Variants in PSD2 observed in about 807,000 individuals in gnomAD.
The protein encoded by PSD2 is pleckstrin and Sec7 domain containing 2, also known as PH and SEC7 domain-containing protein 2.
In PSD2, 38 loss-of-function variants were observed where a neutral mutation model predicts 69.8. The ratio of observed to expected loss-of-function variants is 0.54; its 90% CI spans 0.42 to 0.71. PSD2 has a LOEUF of 0.71. Ranked by LOEUF, PSD2 falls within the 30% of genes least tolerant of loss-of-function variation. PSD2 has a pLI of 0.00. For missense variants in PSD2, 943 were observed against 1,014.5 expected (o/e 0.93, Z 0.96); for synonymous variants, 412 against 423.0 (o/e 0.97, Z 0.32).
chr5:139,786,409 T>C, the PSD2 span, among the ~76,000 whole-genome samples: 1 of 152,074 alleles, frequency 6.6e-6, no homozygotes, highest in Non-Finnish European at 1.5e-5. Context: ...AATAAATAAA[T>C]AGATAAATAA....
At chr5:139,764,013 G>T in the PSD2 span, among the ~76,000 whole-genome samples, 1 of 152,202 alleles carries the variant, frequency 6.6e-6, no homozygotes, top group South Asian at 2.1e-4. Flanking sequence ...CATGGCCTCT[G>T]GTGAATAGAT....
At chr5:139,797,970 G>C (rs1012811489) in intron 1 of PSD2, among the ~76,000 whole-genome samples, 3 of 152,220 alleles carry the variant, frequency 2.0e-5, no homozygotes, top group Non-Finnish European at 4.4e-5. Context: ...GTTTCCTAGG[G>C]AGGTGGGATC....
chr5:139,756,233 C>G, the PSD2 span, among the ~76,000 whole-genome samples: 1 of 152,222 alleles, frequency 6.6e-6, no homozygotes, highest in African/African-American at 2.4e-5. Flanking sequence ...GCTGCGCCCC[C>G]CCTTTCATGT....
chr5:139,810,361 G>A (rs1004220618), intron 2 of PSD2, among the ~76,000 whole-genome samples: 1 of 152,210 alleles, frequency 6.6e-6, no homozygotes, highest in African/African-American at 2.4e-5. Context: ...TTTTGGGGGT[G>A]TGTTGGACAA....
At chr5:139,756,529 G>C in the PSD2 span, among the ~76,000 whole-genome samples, 1 of 152,224 alleles carries the variant, frequency 6.6e-6, no homozygotes, top group East Asian at 1.9e-4. Context: ...CAGGCACCAG[G>C]GTCCCTTGGG....
the PSD2 span, among the ~76,000 whole-genome samples, chr5:139,785,824 C>A: frequency 1.3e-5 from 2 of 152,266 alleles, no homozygotes; most frequent in African/African-American, 4.8e-5. Context: ...TGCAGTGGCT[C>A]GCGCCTATAA....
At chr5:139,750,771 G>A in the PSD2 span, among the ~76,000 whole-genome samples, 1 of 152,206 alleles carries the variant, frequency 6.6e-6, no homozygotes, top group Non-Finnish European at 1.5e-5. Flanking sequence ...GGGCCTGGGT[G>A]TCTGGGGCAA....
At chr5:139,793,162 C>A (rs145048180), upstream of PSD2, among the ~76,000 whole-genome samples, 2 of 152,036 alleles carry the variant, frequency 1.3e-5, no homozygotes, top group Non-Finnish European at 2.9e-5. Context: ...AGGCTGGTCT[C>A]GAGCTCTTGA....
the PSD2 span, among the ~76,000 whole-genome samples, chr5:139,767,455 C>G: frequency 1.3e-5 from 2 of 152,176 alleles, no homozygotes; most frequent in Non-Finnish European, 2.9e-5. Context: ...GCTGGGATTA[C>G]AGGCATGCAC....
the PSD2 span, among the ~76,000 whole-genome samples, chr5:139,788,587 C>G: frequency 6.6e-6 from 1 of 152,216 alleles, no homozygotes; most frequent in Non-Finnish European, 1.5e-5. Context: ...GCTGGACCTC[C>G]GGAAGCGCGG....
chr5:139,816,322 C>T (rs1760121853), intron 4 of PSD2, among the ~76,000 whole-genome samples: 1 of 152,180 alleles, frequency 6.6e-6, no homozygotes, highest in African/African-American at 2.4e-5. Context: ...TTAATTTTCT[C>T]TGATTGTCTA....
intron 1 of PSD2, among the ~76,000 whole-genome samples, chr5:139,807,160 G>A (rs1157400611): frequency 2.0e-5 from 3 of 152,204 alleles, no homozygotes; most frequent in Non-Finnish European, 4.4e-5. Context: ...CTTAGGCAGA[G>A]CCCTGACTCA....
chr5:139,838,737 C>A lies in PSD2; in HGVS notation c.1933C>A (p.Pro645Thr), dbSNP rs1194773964. Reference sequence around the variant, plus strand: ...CAGCTCCATGAAGAAGTTCTGTCGGCCCCTGCTGCCCTCCTGCACCACCCG... The same window carrying A: ...CAGCTCCATGAAGAAGTTCTGTCGGACCCTGCTGCCCTCCTGCACCACCCG... ...AVSSMKKFCRPLLPSCTTRLC... is the reference protein window; with the variant it reads ...AVSSMKKFCRTLLPSCTTRLC... The change falls in exon 13 of 15, where the codon CCC becomes ACC. Residue 645 changes from proline to threonine, a missense_variant. Around this residue, in one of 3 missense-constraint regions of PSD2, gnomAD observed 165 missense variants for 168.8 expected, o/e 0.98. Transcript: ENST00000274710. The A allele has an allele frequency of 6.2e-7, 1 of 1,613,568 alleles. No homozygotes were observed. The highest frequency in any genetic ancestry group is 8.5e-7 in the Non-Finnish European group (1 of 1,179,948).
intron 5 of PSD2, among the ~76,000 whole-genome samples, chr5:139,821,543 C>T (rs938795808): frequency 1.2e-4 from 19 of 152,130 alleles, no homozygotes; most frequent in East Asian, 1.9e-4. Context: ...GGACAGGGTC[C>T]GGCTGTAGGG....
At chr5:139,759,629 C>T in the PSD2 span, among the ~76,000 whole-genome samples, 3 of 152,218 alleles carry the variant, frequency 2.0e-5, no homozygotes, top group South Asian at 2.1e-4. Context: ...CGATTAATCA[C>T]GGGCCGTGGC....
chr5:139,836,698 C>T, intron 9 of PSD2, 113 bp from the exon 10 acceptor site: 1 of 863,126 alleles, frequency 1.2e-6, no homozygotes, highest in Non-Finnish European at 1.9e-6. Flanking sequence ...CCTCCTGGGG[C>T]TGCTCTTCCT....
the PSD2 span, among the ~76,000 whole-genome samples, chr5:139,783,943 C>CTTTTTTTTTTT: frequency 1.0e-3 from 92 of 87,884 alleles, 4 homozygotes; most frequent in African/African-American, 2.5e-3. Context: ...TCTGCTAGCT[C>CTTTTTTTTTTT]TTTTTTTTTT....
In PSD2 at chr5:139,837,920, C is replaced by CA; in HGVS notation, c.1823+141dup. 1 of 821,784 alleles carries CA rather than the reference C, an allele frequency of 1.2e-6. No homozygotes were observed. The highest frequency in any genetic ancestry group is 1.9e-6 in the Non-Finnish European group (1 of 534,994). 50.9% of individuals were successfully genotyped at this position (821,784 alleles called of 1,614,324 possible). ...ACACAGACCGACAGCTGGGTCCCTC[C>CA]AAAGCAGTGGTTCCCAATGTGTGGT... On this transcript the variant is annotated intron_variant, in intron 12 of 14. Transcript: ENST00000274710. The surrounding 1 kb of genome is among the most constrained non-coding windows in gnomAD (Gnocchi z 5.0).
At position 139,838,751 on chromosome 5, in the gene PSD2, C is replaced by T. The variant is rs757590089; in HGVS notation, c.1947C>T (p.Ser649=). Residue 649 remains serine, a synonymous_variant, in exon 13 of 15, where the codon TCC becomes TCT. Coordinates refer to ENST00000274710, the MANE Select transcript of PSD2 (RefSeq NM_032289.4). ...MKKFCRPLLP[S]CTTRLCQEEQ... ...AGTTCTGTCGGCCCCTGCTGCCCTC[C>T]TGCACCACCCGCCTCTGCCAGGTAC... 1.2e-6 allele frequency: 2 copies of T among 1,612,870 alleles called. No individual in the cohort carries two copies. The highest frequency in any genetic ancestry group is 1.7e-6 in the Non-Finnish European group (2 of 1,179,416).
Sources: allele counts gnomAD v4.1 joint callset (sites outside exome capture counted in the v4.1 genomes callset), GRCh38; gene constraint gnomAD v4.1.1; regional missense constraint gnomAD v4.1.1; non-coding constraint Gnocchi (gnomAD v3.1); transcripts MANE v1.5; gene names NCBI Gene and HGNC (gene_info 2026-07-23, HGNC 2026-07-21).